Variants in AGMO observed in about 807,000 individuals in gnomAD.
AGMO encodes glyceryl-ether monooxygenase.
Under a neutral mutation model 60.2 loss-of-function variants are expected in AGMO, and 75 were observed. The observed-to-expected ratio is 1.25, with a 90% CI of 1.03 to 1.51. The LOEUF is 1.51. AGMO is among the 40% of genes most tolerant of loss of function. The probability of loss-of-function intolerance (pLI) is 0.00; values close to 1 mark genes in which losing one functional copy is unlikely to be tolerated. For synonymous variants in AGMO, 261 were observed against 177.1 expected, an observed-to-expected ratio of 1.47 and a Z score of -3.76; for missense variants, 763 against 525.5, an observed-to-expected ratio of 1.45 and a Z score of -4.42.
intron 12 of AGMO, among the ~76,000 whole-genome samples, chr7:15,290,689 G>T (rs1784238002): frequency 6.6e-6 from 1 of 152,114 alleles, no homozygotes; most frequent in South Asian, 2.1e-4. Flanking sequence ...ATAGTGTTTA[G>T]ATTAGATAGG....
rs182181493 is a variant in AGMO, at chr7:15,256,614, G to C, written c.1264-55255C>G. On this transcript the variant is annotated intron_variant, in intron 12 of 12. Coordinates refer to ENST00000342526, the MANE Select transcript of AGMO (RefSeq NM_001004320.2). The stretch of plus-strand genomic sequence containing the variant: ...CCTGACCTCGTGTTCCACCCACCTC[G>C]GCCTCCCAAAGTGCTGGGATCGCAG... Among the ~76,000 whole-genome samples the C allele has an allele frequency of 1.9e-3, 287 of 152,170 alleles. 2 individuals carry two copies. Among genetic ancestry groups the C allele is most frequent in the Middle Eastern group, 0.01 (3 of 294 alleles).
At chr7:15,278,283 C>T (rs1783856475) in intron 12 of AGMO, among the ~76,000 whole-genome samples, 1 of 152,054 alleles carries the variant, frequency 6.6e-6, no homozygotes, top group African/African-American at 2.4e-5. Flanking sequence ...TGGGCATTAG[C>T]TGAGGTGGTT....
At chr7:15,266,151 T>G (rs917173772) in intron 12 of AGMO, among the ~76,000 whole-genome samples, 2 of 151,938 alleles carry the variant, frequency 1.3e-5, no homozygotes, top group Non-Finnish European at 2.9e-5. Context: ...GGAGTTATTG[T>G]TTAATAGGTA....
At chr7:15,190,231 T>C in the AGMO span, among the ~76,000 whole-genome samples, 1 of 5,186 alleles carries the variant, frequency 1.9e-4, no homozygotes, top group Non-Finnish European at 6.1e-4. Context: ...ATATATATAT[T>C]TATATATATA....
At chr7:15,548,150 T>C (rs558749401) in intron 2 of AGMO, among the ~76,000 whole-genome samples, 1,695 of 150,898 alleles carry the variant, frequency 0.011, 30 homozygotes, top group African/African-American at 0.036. Flanking sequence ...GACATCCACA[T>C]CAAAAACCCA....
intron 3 of AGMO, among the ~76,000 whole-genome samples, chr7:15,530,670 T>TATATATATTCTATATACGTATTTCTAC (rs1562555974): frequency 5.8e-5 from 8 of 139,126 alleles, no homozygotes; most frequent in African/African-American, 2.1e-4. Context: ...CGTATTTCTA[T>TATATATATTCTATATACGTATTTCTAC]ATATATATTC....
intron 3 of AGMO, among the ~76,000 whole-genome samples, chr7:15,467,344 C>T (rs1280800556): frequency 6.6e-6 from 1 of 152,122 alleles, no homozygotes; most frequent in African/African-American, 2.4e-5. Context: ...CAAATTTAGC[C>T]AAACCCATCA....
In AGMO at chr7:15,322,423, T is replaced by TAC. The variant is rs1477524742; in HGVS notation, c.1263+43089_1263+43090dup. 1.5e-4 allele frequency among the ~76,000 whole-genome samples: 20 copies of TAC among 132,756 alleles called. 1 individual carries two copies. Among genetic ancestry groups the TAC allele is most frequent in the African/African-American group, 5.0e-4 (18 of 36,148 alleles). 87.1% of individuals were successfully genotyped at this position (132,756 alleles called of 152,430 possible). On this transcript the variant is annotated intron_variant, in intron 12 of 12. Transcript: ENST00000342526. ...TGAGTAGTTCATATAAACATATATATACCTGTGTGTGTATATATATAAATA... is the reference window on the plus strand; with the variant it reads ...TGAGTAGTTCATATAAACATATATATACACCTGTGTGTGTATATATATAAATA...
intron 12 of AGMO, among the ~76,000 whole-genome samples, chr7:15,348,443 AG>A (rs375522301): frequency 3.9e-5 from 6 of 152,112 alleles, no homozygotes; most frequent in Middle Eastern, 3.2e-3. Context: ...AAATGATTTC[AG>A]GATCAAATGA....
intron 10 of AGMO, among the ~76,000 whole-genome samples, chr7:15,381,722 A>T (rs141344577): frequency 1.3e-5 from 2 of 152,134 alleles, no homozygotes; most frequent in Admixed American, 6.5e-5. Flanking sequence ...AAATGCATAC[A>T]TATGTTCACT....
At chr7:15,129,674 T>C in the AGMO span, among the ~76,000 whole-genome samples, 1 of 152,090 alleles carries the variant, frequency 6.6e-6, no homozygotes, top group Admixed American at 6.6e-5. Flanking sequence ...TATTTTCCCT[T>C]AGGGGTAGAG....
chr7:15,262,151 G>GTC (rs1783291632), intron 12 of AGMO, among the ~76,000 whole-genome samples: 1 of 151,968 alleles, frequency 6.6e-6, no homozygotes, highest in South Asian at 2.1e-4. Context: ...GACAAGAGAA[G>GTC]GAAATCAAGG....
chr7:15,423,524 T>A (rs35669688), intron 4 of AGMO, among the ~76,000 whole-genome samples: 47,077 of 136,120 alleles, frequency 0.35, 10,081 homozygotes, highest in Middle Eastern at 0.45. Flanking sequence ...ATGAGTTGAA[T>A]TGATTTTCAT....
In AGMO at chr7:15,503,199, A is replaced by T. The variant is rs139803867; in HGVS notation, c.409+41573T>A. On this transcript the variant is annotated intron_variant, in intron 3 of 12. Coordinates refer to ENST00000342526, the MANE Select transcript of AGMO (RefSeq NM_001004320.2). ...GATGAGATGAGCCAGGTTAGAAGGT[A>T]CACCTGTTAATCTGGGATAGAGATG... Among the ~76,000 whole-genome samples the T allele has an allele frequency of 1.1e-4, 17 of 152,162 alleles. No homozygotes were observed. In the East Asian group the frequency reaches 2.9e-3, roughly 26 times the overall value.
intron 12 of AGMO, among the ~76,000 whole-genome samples, chr7:15,308,908 T>C (rs553659776): frequency 1.3e-5 from 2 of 152,162 alleles, no homozygotes; most frequent in African/African-American, 2.4e-5. Flanking sequence ...ATCCAATTTG[T>C]TAGACTTCAA....
intron 12 of AGMO, among the ~76,000 whole-genome samples, chr7:15,277,774 C>G (rs1783843655): frequency 6.6e-6 from 1 of 152,212 alleles, no homozygotes. Flanking sequence ...CTGCTTCAGA[C>G]AATGGGCTGG....
At chr7:15,187,220 G>T in the AGMO span, among the ~76,000 whole-genome samples, 3 of 152,102 alleles carry the variant, frequency 2.0e-5, no homozygotes, top group Admixed American at 2.0e-4. Context: ...CAGTTACTTG[G>T]AAAATTAGAG....
chr7:15,202,741 T>C (rs1781331523), intron 12 of AGMO, among the ~76,000 whole-genome samples: 1 of 152,076 alleles, frequency 6.6e-6, no homozygotes, highest in Admixed American at 6.6e-5. Flanking sequence ...AAATACAATA[T>C]ATTTAAAGGC....
intron 12 of AGMO, among the ~76,000 whole-genome samples, chr7:15,218,622 G>A (rs1781819763): frequency 6.6e-6 from 1 of 151,500 alleles, no homozygotes; most frequent in South Asian, 2.1e-4. Context: ...TATTTTTTCT[G>A]TATTTTTGAA....
Sources: gnomAD v4.1 joint callset for allele counts (sites outside exome capture counted in the v4.1 genomes callset) on GRCh38, gnomAD v4.1.1 for gene constraint, MANE v1.5 for transcripts, NCBI Gene and HGNC (gene_info 2026-07-23, HGNC 2026-07-21) for gene names.